Variants in PDCD11 observed in about 807,000 individuals in gnomAD.
PDCD11 encodes the protein programmed cell death 11.
PDCD11 carries 97 observed loss-of-function variants against 198.9 expected under a neutral mutation model. That is an observed-to-expected ratio of 0.49 (90% CI 0.41 to 0.58). PDCD11 has a LOEUF of 0.58. Among genes scored for constraint, PDCD11 ranks in the 20% least tolerant of loss-of-function variants. The probability of loss-of-function intolerance (pLI) is 0.00; values close to 1 mark genes in which losing one functional copy is unlikely to be tolerated. For synonymous variants in PDCD11, 893 were observed against 918.0 expected, an observed-to-expected ratio of 0.97 and a Z score of 0.49; for missense variants, 2,102 against 2,312.7, an observed-to-expected ratio of 0.91 and a Z score of 1.87.
intron 19 of PDCD11, among the ~76,000 whole-genome samples, chr10:103,424,003 C>T (rs538675791): frequency 9.9e-5 from 15 of 152,156 alleles, no homozygotes; most frequent in Middle Eastern, 3.2e-3. Flanking sequence ...TGTTCAGTCC[C>T]GCCCAATTGT....
chr10:103,418,567 A>C lies in PDCD11; in HGVS notation c.2039A>C (p.His680Pro), dbSNP rs532164251. 1 of 1,614,082 alleles carries C rather than the reference A, an allele frequency of 6.2e-7. No individual in the cohort carries two copies. Among genetic ancestry groups the C allele is most frequent in the African/African-American group, 1.3e-5 (1 of 74,994 alleles). ...SDHVANGPLL[H>P]HWLQAGDILH... ...CACGTTGCCAACGGCCCATTGTTACATCATTGGCTCCAGGCAGGTGACATC... is the reference window on the plus strand; with the variant it reads ...CACGTTGCCAACGGCCCATTGTTACCTCATTGGCTCCAGGCAGGTGACATC... The change falls in exon 15 of 36, where the codon CAT (histidine) becomes CCT (proline). Residue 680 changes from histidine (H) to proline (P), a missense_variant. Coordinates refer to ENST00000369797, the MANE Select transcript of PDCD11 (RefSeq NM_014976.2).
chr10:103,445,459 G>A lies in PDCD11; in HGVS notation c.5526G>A (p.Glu1842=). ...KFFFKRYLDY[E]KQHGTEKDVQ... ...TCTTCAAGCGCTACCTGGACTACGA[G>A]AAGCAGCATGGCACTGAGAAGGATG... Residue 1842 remains glutamate, a synonymous_variant, in exon 36 of 36, where the codon GAG becomes GAA. Transcript: ENST00000369797. 1.2e-6 allele frequency: 2 copies of A among 1,614,216 alleles called. No individual in the cohort carries two copies. The highest frequency in any genetic ancestry group is 1.7e-6 in the Non-Finnish European group (2 of 1,180,030).
At position 103,432,140 on chromosome 10, in the gene PDCD11, A is replaced by G. The variant is rs758774613; in HGVS notation, c.3380A>G (p.Asp1127Gly). The change falls in exon 22 of 36, where the codon GAT becomes GGT. Residue 1127 changes from aspartate to glycine, a missense_variant. Physicochemically the swap from Asp to Gly is moderately conservative, Grantham distance 94. Transcript: ENST00000369797. ...CTTTCTGCAAACAGTGAGCTGGAGG[A>G]TGGCCACACTGCTCTTAACACTCAC... ...ELSVRPSELE[D>G]GHTALNTHSV... 6.2e-7 allele frequency: 1 copy of G among 1,612,938 alleles called. No individual in the cohort carries two copies. The highest frequency in any genetic ancestry group is 2.2e-5 in the East Asian group (1 of 44,876).
chr10:103,414,135 T>C (rs1461817794), intron 10 of PDCD11, 45 bp downstream of exon 10: 1 of 1,591,448 alleles, frequency 6.3e-7, no homozygotes, highest in Admixed American at 1.7e-5. Context: ...TGTGCACCTG[T>C]ACATGTTCAT....
At chr10:103,413,589 A>C (rs1006497402) in intron 9 of PDCD11, among the ~76,000 whole-genome samples, 13 of 152,198 alleles carry the variant, frequency 8.5e-5, no homozygotes, top group Non-Finnish European at 1.8e-4. Context: ...AGTTTTTCTT[A>C]AAGGGCTATG....
intron 21 of PDCD11, among the ~76,000 whole-genome samples, chr10:103,429,150 C>G (rs1249436530): frequency 2.6e-5 from 4 of 152,106 alleles, no homozygotes; most frequent in Admixed American, 6.5e-5. Flanking sequence ...GAGCTGAGTT[C>G]AGAGGTGTTG....
chr10:103,429,765 C>G (rs2031850842), intron 21 of PDCD11, among the ~76,000 whole-genome samples: 1 of 152,118 alleles, frequency 6.6e-6, no homozygotes, highest in Non-Finnish European at 1.5e-5. Context: ...TCTTGCGTGA[C>G]TGAAACTATA....
Position 103,443,180 on chromosome 10 carries a change from G to A in PDCD11, c.4971G>A (p.Lys1657=), listed in dbSNP as rs748282363. 1.8e-5 allele frequency: 29 copies of A among 1,595,660 alleles called. No homozygotes were observed. Among genetic ancestry groups the A allele is most frequent in the Admixed American group, 6.8e-5 (4 of 58,482 alleles). The change falls in exon 33 of 36, where the codon AAG becomes AAA. Residue 1657 remains lysine (K), a synonymous_variant. Transcript: ENST00000369797. ...KTISFREEQE[K]LNVWVALLNL... is the part of the protein sequence containing the mutation. ...CTCCCTCCAGAGAGGAGCAGGAGAA[G>A]CTGAACGTGTGGGTGGCTCTGCTGA...
Position 103,440,558 on chromosome 10 carries a change from T to C in PDCD11, c.4417T>C (p.Cys1473Arg). 6.2e-7 allele frequency: 1 copy of C among 1,610,492 alleles called. No individual in the cohort carries two copies. Among genetic ancestry groups the C allele is most frequent in the Non-Finnish European group, 8.5e-7 (1 of 1,179,512 alleles). The change falls in exon 29 of 36, where the codon TGC becomes CGC. Residue 1473 changes from cysteine to arginine, a missense_variant. Physicochemically the swap from Cys to Arg is radical, Grantham distance 180. Coordinates refer to ENST00000369797, the MANE Select transcript of PDCD11 (RefSeq NM_014976.2). The stretch of plus-strand genomic sequence containing the variant: ...GGCGCAGAAGCGGGGCGGGCGGGAG[T>C]GCCGGGAGTCTGGGAGTGAGCAGGT... The part of the protein sequence containing the change: ...PQAQKRGGRE[C>R]RESGSEQERV...
chr10:103,405,069 A>ATG lies in PDCD11; in HGVS notation c.455_456dup (p.Val153TrpfsTer2). 6.2e-7 allele frequency: 1 copy of ATG among 1,614,074 alleles called. No homozygotes were observed. Among genetic ancestry groups the ATG allele is most frequent in the Non-Finnish European group, 8.5e-7 (1 of 1,179,990 alleles). ...TTTTCTCACCTGGAATGCTGGTAAG[A>ATG]TGTGTGGTGAGCAGTCTGGGCATCA... On this transcript the variant is annotated frameshift_variant, in exon 5 of 36. Transcript: ENST00000369797. LOFTEE classifies it high-confidence loss of function.
Position 103,418,300 on chromosome 10 carries a change from G to T in PDCD11, c.1912-140G>T, listed in dbSNP as rs1414936104. 5 of 675,796 alleles carry T rather than the reference G, an allele frequency of 7.4e-6. No individual in the cohort carries two copies. In the East Asian group the frequency reaches 1.3e-4, roughly 18 times the overall value. The allele number at this position is 675,796 out of a possible 1,614,324, so 41.9% of individuals were successfully genotyped here. ...TACATGCATGCTGGGTGGTTGGGGT[G>T]GTGGGTGGGGTTTGGAAGAAAGCTG... is the stretch of plus-strand genomic sequence containing the variant. On this transcript the variant is annotated intron_variant, in intron 14 of 35. Coordinates refer to ENST00000369797, the MANE Select transcript of PDCD11 (RefSeq NM_014976.2).
Position 103,403,299 on chromosome 10 carries a change from G to A in PDCD11, c.402+14G>A, listed in dbSNP as rs771901865. On this transcript the variant is annotated intron_variant, in intron 4 of 35. Coordinates refer to ENST00000369797, the MANE Select transcript of PDCD11 (RefSeq NM_014976.2). Reference sequence around the variant, plus strand: ...CAACCTCTGAAGGTAAGGGAAATCCGAATGAAGCCTGTTATTGAAAATAAG... The same window carrying A: ...CAACCTCTGAAGGTAAGGGAAATCCAAATGAAGCCTGTTATTGAAAATAAG... 10 of 1,603,350 alleles carry A rather than the reference G, an allele frequency of 6.2e-6. No homozygotes were observed. In the East Asian group the frequency reaches 6.7e-5, roughly 11 times the overall value.
chr10:103,421,542 C>T lies in PDCD11; in HGVS notation c.2472C>T (p.Gly824=), dbSNP rs144821281. 3.4e-4 allele frequency: 524 copies of T among 1,561,708 alleles called. 1 individual carries two copies. The highest frequency in any genetic ancestry group is 4.4e-4 in the Non-Finnish European group (502 of 1,152,198). ...LLNQCLEELQ[G]VRSLMSNRDS... is the part of the protein sequence containing the mutation. ...ATCAGTGCCTGGAGGAGCTGCAGGGCGTGCGCAGCCTTATGAGCAACCGAG... is the reference window on the plus strand; with the variant it reads ...ATCAGTGCCTGGAGGAGCTGCAGGGTGTGCGCAGCCTTATGAGCAACCGAG... Residue 824 remains glycine (G), a synonymous_variant, in exon 17 of 36, where the codon GGC becomes GGT. Transcript: ENST00000369797.
intron 13 of PDCD11, among the ~76,000 whole-genome samples, chr10:103,417,417 C>T (rs2031170832): frequency 1.3e-5 from 2 of 152,214 alleles, no homozygotes; most frequent in Admixed American, 1.3e-4. Flanking sequence ...AAGTGATCAG[C>T]CTGCCTTGGC....
intron 8 of PDCD11, 133 bp from the exon 9 acceptor site, chr10:103,412,983 G>C: frequency 1.5e-6 from 1 of 676,890 alleles, no homozygotes; most frequent in Non-Finnish European, 2.7e-6. Context: ...AAGCCAGTTT[G>C]AGTACTTACA....
At chr10:103,401,844 G>A (rs1362177810) in intron 3 of PDCD11, among the ~76,000 whole-genome samples, 1 of 151,722 alleles carries the variant, frequency 6.6e-6, no homozygotes, top group Non-Finnish European at 1.5e-5. Context: ...CCGGGTTCTC[G>A]CCATTCTCCT....
At chr10:103,417,617 G>C (rs1028868263) in intron 13 of PDCD11, among the ~76,000 whole-genome samples, 175 bp from the exon 14 acceptor site, 1 of 152,200 alleles carries the variant, frequency 6.6e-6, no homozygotes, top group African/African-American at 2.4e-5. Flanking sequence ...TATCCCAAAG[G>C]CTGCCCTGGG....
rs1251918956 is a variant in PDCD11 at position 103,424,847 on chromosome 10, C to T, written c.2764-137C>T. ...TCCAGGGAGTGAAGGCTAGTCTGTT[C>T]CAGCTCAGACCAGCCTTGAGTTCCC... On this transcript the variant is annotated intron_variant, in intron 19 of 35. Transcript: ENST00000369797. The T allele has an allele frequency of 9.1e-6, 8 of 877,698 alleles. No individual in the cohort carries two copies. In the South Asian group the frequency reaches 1.2e-4, roughly 13 times the overall value. The allele number at this position is 877,698 out of a possible 1,614,324, so 54.4% of individuals were successfully genotyped here.
At position 103,401,398 on chromosome 10, in the gene PDCD11, G is replaced by A. The variant is rs543608881; in HGVS notation, c.234+870G>A. 3.0e-4 allele frequency among the ~76,000 whole-genome samples: 46 copies of A among 152,090 alleles called. 2 individuals are homozygous for A. In the South Asian group the frequency reaches 9.1e-3, roughly 30 times the overall value. Reference sequence around the variant, plus strand: ...AGCGATTCTCCTGCCTCAGCCTCCTGAGTAGCTGGGATTACAGGTGTCTCA... The same window carrying A: ...AGCGATTCTCCTGCCTCAGCCTCCTAAGTAGCTGGGATTACAGGTGTCTCA... On this transcript the variant is annotated intron_variant, in intron 3 of 35. Coordinates refer to ENST00000369797, the MANE Select transcript of PDCD11 (RefSeq NM_014976.2).
Sources: gnomAD v4.1 joint callset for allele counts (sites outside exome capture counted in the v4.1 genomes callset) on GRCh38, gnomAD v4.1.1 for gene constraint, MANE v1.5 for transcripts, NCBI Gene and HGNC (gene_info 2026-07-23, HGNC 2026-07-21) for gene names.